EYS: variants seen among roughly 807,000 people sequenced by gnomAD.
EYS encodes the protein protein eyes shut homolog.
In EYS, 250 loss-of-function variants were observed where a neutral mutation model predicts 282.1. That is an observed-to-expected ratio of 0.89 (90% CI 0.80 to 0.98). The LOEUF (loss-of-function observed/expected upper bound fraction) is 0.98, where lower values mean the gene tolerates loss of function less well. Among genes scored for constraint, EYS ranks in the 50% least tolerant of loss-of-function variants. EYS has a pLI of 0.00. For synonymous variants in EYS, 1,355 were observed against 1,282.9 expected, an observed-to-expected ratio of 1.06 and a Z score of -1.20; for missense variants, 4,016 against 3,709.0, an observed-to-expected ratio of 1.08 and a Z score of -2.15.
At chr6:63,779,112 T>A (rs1770140601) in intron 39 of EYS, 1 of 151,642 alleles carries the variant, frequency 6.6e-6, no homozygotes, top group South Asian at 2.1e-4. Context: ...GTTTATGTTG[T>A]CACATTTTTC....
intron 12 of EYS, among the ~76,000 whole-genome samples, chr6:65,205,121 A>ATTCTTTATATAT (rs1766003816): frequency 6.8e-6 from 1 of 148,066 alleles, no homozygotes; most frequent in African/African-American, 2.5e-5. Flanking sequence ...ATATATATAT[A>ATTCTTTATATAT]TCTATCTCCA....
At chr6:65,158,081 T>C (rs1457364301) in intron 12 of EYS, among the ~76,000 whole-genome samples, 1 of 150,858 alleles carries the variant, frequency 6.6e-6, no homozygotes, top group Non-Finnish European at 1.5e-5. Flanking sequence ...GGGTGGTAGA[T>C]GATTTTCTAA....
intron 29 of EYS, among the ~76,000 whole-genome samples, chr6:64,330,420 G>C (rs983949397): frequency 2.0e-5 from 3 of 152,118 alleles, no homozygotes; most frequent in Non-Finnish European, 4.4e-5. Flanking sequence ...AGGGAGGGGG[G>C]AAAGAACCCC....
At chr6:63,743,709 A>C (rs1015090528) in intron 41 of EYS, among the ~76,000 whole-genome samples, 1 of 152,234 alleles carries the variant, frequency 6.6e-6, no homozygotes, top group African/African-American at 2.4e-5. Context: ...CTACAATTAA[A>C]GATACTAGAA....
At chr6:63,768,152 G>T (rs1453928898) in intron 40 of EYS, among the ~76,000 whole-genome samples, 1 of 151,960 alleles carries the variant, frequency 6.6e-6, no homozygotes, top group African/African-American at 2.4e-5. Flanking sequence ...TACCATTCTG[G>T]ACATCAGGCT....
intron 30 of EYS, among the ~76,000 whole-genome samples, chr6:64,304,525 T>C (rs971856825): frequency 2.0e-5 from 3 of 151,328 alleles, no homozygotes; most frequent in African/African-American, 7.3e-5. Flanking sequence ...ATAGACTATA[T>C]GTTAGGCCAC....
intron 22 of EYS, among the ~76,000 whole-genome samples, chr6:64,726,007 C>T (rs765078379): frequency 6.6e-6 from 1 of 152,114 alleles, no homozygotes; most frequent in Non-Finnish European, 1.5e-5. Context: ...ATAATGAACA[C>T]TTAATGTTAC....
chr6:65,296,379 A>G (rs905254771), intron 11 of EYS, among the ~76,000 whole-genome samples: 1 of 151,906 alleles, frequency 6.6e-6, no homozygotes, highest in Non-Finnish European at 1.5e-5. Context: ...CTTAATTGCT[A>G]TGTTAGCTGG....
At chr6:64,888,959 A>G (rs1484164344) in intron 18 of EYS, among the ~76,000 whole-genome samples, 1 of 152,056 alleles carries the variant, frequency 6.6e-6, no homozygotes, top group Non-Finnish European at 1.5e-5. Context: ...CTATAAAAAC[A>G]ATGACTTTCA....
At chr6:64,663,889 G>A (rs573885881) in intron 22 of EYS, among the ~76,000 whole-genome samples, 28 of 152,284 alleles carry the variant, frequency 1.8e-4, no homozygotes, top group African/African-American at 6.7e-4. Context: ...GGTCACGGAA[G>A]AGAACCATGG....
chr6:65,202,710 A>T (rs547702269), intron 12 of EYS, among the ~76,000 whole-genome samples: 9 of 152,270 alleles, frequency 5.9e-5, no homozygotes, highest in African/African-American at 1.7e-4. Context: ...TGCTGCAGGA[A>T]ATCTCACCAT....
chr6:64,468,693 CCTTT>C (rs1235445151), intron 26 of EYS, among the ~76,000 whole-genome samples: 1 of 152,160 alleles, frequency 6.6e-6, no homozygotes, highest in Non-Finnish European at 1.5e-5. Flanking sequence ...GTCTGCTGTT[CCTTT>C]CTTTGTGTCC....
At chr6:63,982,269 A>G (rs1767135610) in intron 35 of EYS, among the ~76,000 whole-genome samples, 1 of 151,848 alleles carries the variant, frequency 6.6e-6, no homozygotes, top group East Asian at 1.9e-4. Flanking sequence ...GAACATACTA[A>G]CAGTTAACTC....
intron 26 of EYS, among the ~76,000 whole-genome samples, chr6:64,571,927 G>A (rs1236397459): frequency 2.6e-5 from 4 of 152,106 alleles, no homozygotes; most frequent in African/African-American, 9.7e-5. Context: ...CTCATATTAT[G>A]AGGCCAGCAT....
intron 22 of EYS, among the ~76,000 whole-genome samples, chr6:64,769,190 A>G (rs1164055239): frequency 6.6e-6 from 1 of 152,076 alleles, no homozygotes; most frequent in Admixed American, 6.6e-5. Context: ...ACAGGCCTAA[A>G]TCATTTCTTT....
intron 21 of EYS, among the ~76,000 whole-genome samples, chr6:64,816,054 T>C (rs954050487): frequency 6.6e-6 from 1 of 152,104 alleles, no homozygotes; most frequent in Non-Finnish European, 1.5e-5. Context: ...TCATAACATT[T>C]CTCTCATGGC....
chr6:65,482,223 C>A (rs1195086119), intron 5 of EYS, among the ~76,000 whole-genome samples: 3 of 152,134 alleles, frequency 2.0e-5, no homozygotes, highest in African/African-American at 7.2e-5. Flanking sequence ...TATATAAACA[C>A]CTGCCTATTC....
chr6:64,823,620 C>G (rs2150023386), intron 19 of EYS, among the ~76,000 whole-genome samples: 1 of 152,012 alleles, frequency 6.6e-6, no homozygotes, highest in East Asian at 1.9e-4. Context: ...ATAGGTGTGC[C>G]CTGCCCTTAA....
At chr6:64,161,932 T>A (rs1775119473) in intron 31 of EYS, among the ~76,000 whole-genome samples, 1 of 152,220 alleles carries the variant, frequency 6.6e-6, no homozygotes. Flanking sequence ...TTTATATTTT[T>A]TCTGTTCAAG....
Sources: gnomAD v4.1 joint callset for allele counts (sites outside exome capture counted in the v4.1 genomes callset) on GRCh38, gnomAD v4.1.1 for gene constraint, MANE v1.5 for transcripts, NCBI Gene and HGNC (gene_info 2026-07-23, HGNC 2026-07-21) for gene names.